RBFOX1: variants seen among roughly 807,000 people sequenced by gnomAD.
RBFOX1 encodes the protein RNA binding fox-1 homolog 1.
Under a neutral mutation model 57.7 loss-of-function variants are expected in RBFOX1, and 8 were observed. The observed-to-expected ratio is 0.14, with a 90% CI of 0.08 to 0.25. The LOEUF is 0.25. Ranked by LOEUF, RBFOX1 falls within the 10% of genes least tolerant of loss-of-function variation. The pLI, the probability that RBFOX1 is intolerant of heterozygous loss-of-function variation, is 1.00. For synonymous variants in RBFOX1, 326 were observed against 222.4 expected, an observed-to-expected ratio of 1.47 and a Z score of -4.15; for missense variants, 611 against 548.5, an observed-to-expected ratio of 1.11 and a Z score of -1.14.
chr16:7,096,476 A>G (rs1478702), intron 4 of RBFOX1, among the ~76,000 whole-genome samples: 98,235 of 151,976 alleles, frequency 0.65, 31,738 homozygotes, highest in East Asian at 0.69. Flanking sequence ...GGTGGACCAC[A>G]CTCATCCAAG....
chr16:5,468,907 C>A (rs893094844), intron 2 of RBFOX1, among the ~76,000 whole-genome samples: 3 of 152,230 alleles, frequency 2.0e-5, no homozygotes, highest in African/African-American at 7.2e-5. Context: ...GGCTTCCCGC[C>A]CCGTCCCTTA....
chr16:5,310,182 C>G (rs566035577), intron 1 of RBFOX1, among the ~76,000 whole-genome samples: 36 of 152,134 alleles, frequency 2.4e-4, no homozygotes, highest in African/African-American at 8.4e-4. Flanking sequence ...GCGGATCACT[C>G]GAGGGCAGGA....
intron 3 of RBFOX1, among the ~76,000 whole-genome samples, chr16:5,705,082 G>A (rs772927149): frequency 2.0e-5 from 3 of 152,102 alleles, no homozygotes; most frequent in Non-Finnish European, 2.9e-5. Context: ...CACATTGTAT[G>A]TCATTGAGGA....
intron 4 of RBFOX1, among the ~76,000 whole-genome samples, chr16:7,072,840 C>G (rs1199060160): frequency 6.6e-6 from 1 of 152,202 alleles, no homozygotes; most frequent in Non-Finnish European, 1.5e-5. Flanking sequence ...GGAGGAACGT[C>G]TTGAACATAA....
intron 7 of RBFOX1, among the ~76,000 whole-genome samples, chr16:7,590,557 A>G (rs546028447): frequency 6.6e-6 from 1 of 152,168 alleles, no homozygotes; most frequent in East Asian, 1.9e-4. Flanking sequence ...GCTACTCCCT[A>G]CGTATATACT....
intron 2 of RBFOX1, among the ~76,000 whole-genome samples, chr16:6,639,679 A>G (rs1458423894): frequency 6.6e-6 from 1 of 152,086 alleles, no homozygotes; most frequent in East Asian, 1.9e-4. Flanking sequence ...GATTGAGACC[A>G]TCCTGGCTAA....
Position 6,778,499 on chromosome 16 carries a change from A to G in RBFOX1, c.-16+123849A>G, listed in dbSNP as rs141400312. ...ATATAATTACACCCAATCCTTCAACATTAACATTGATTCCCTAAGATGATT... is the reference window on the plus strand; with the variant it reads ...ATATAATTACACCCAATCCTTCAACGTTAACATTGATTCCCTAAGATGATT... On this transcript the variant is annotated intron_variant, in intron 3 of 15. Coordinates refer to ENST00000550418, the MANE Select transcript of RBFOX1 (RefSeq NM_018723.4). Among the ~76,000 whole-genome samples the G allele has an allele frequency of 9.5e-3, 1,445 of 152,228 alleles. 28 individuals are homozygous for G. The highest frequency in any genetic ancestry group is 0.033 in the African/African-American group (1,368 of 41,542).
intron 4 of RBFOX1, among the ~76,000 whole-genome samples, chr16:7,467,285 C>A (rs1376898617): frequency 6.6e-6 from 1 of 152,168 alleles, no homozygotes; most frequent in Non-Finnish European, 1.5e-5. Flanking sequence ...TAAAGACAGA[C>A]AGCTGCTGGG....
intron 4 of RBFOX1, among the ~76,000 whole-genome samples, chr16:7,168,291 G>A (rs2079978286): frequency 6.6e-6 from 1 of 151,354 alleles, no homozygotes; most frequent in African/African-American, 2.4e-5. Context: ...TTCTCAGCAT[G>A]AAATGGACCA....
At chr16:6,046,475 A>T (rs1567326962) in intron 1 of RBFOX1, among the ~76,000 whole-genome samples, 1 of 152,210 alleles carries the variant, frequency 6.6e-6, no homozygotes, top group Admixed American at 6.5e-5. Context: ...TAAGAATACA[A>T]TGTATACTCG....
chr16:5,650,425 A>C (rs1349670020), intron 3 of RBFOX1, among the ~76,000 whole-genome samples: 1 of 152,194 alleles, frequency 6.6e-6, no homozygotes, highest in Non-Finnish European at 1.5e-5. Context: ...CGGGAGAGGC[A>C]ACCTGGATGC....
chr16:6,460,095 G>A (rs2094880691), intron 2 of RBFOX1, among the ~76,000 whole-genome samples: 1 of 147,772 alleles, frequency 6.8e-6, no homozygotes, highest in Admixed American at 6.8e-5. Flanking sequence ...ATTGCTTGGG[G>A]CTGCCATAAT....
In RBFOX1 at chr16:6,086,362, A is replaced by G. The variant is rs191943436; in HGVS notation, c.-127+66370A>G. ...TTCCATCTCTCACATTTTTCATGCG[A>G]GTGTTCTGCTGCCCAAAGTTACTCT... On this transcript the variant is annotated intron_variant, in intron 1 of 15. Coordinates refer to ENST00000550418, the MANE Select transcript of RBFOX1 (RefSeq NM_018723.4). Among the ~76,000 whole-genome samples the G allele has an allele frequency of 4.0e-3, 603 of 152,180 alleles. 2 individuals carry two copies. Among genetic ancestry groups the G allele is most frequent in the Non-Finnish European group, 6.9e-3 (468 of 68,008 alleles).
At chr16:6,345,968 G>C (rs1043865260) in intron 2 of RBFOX1, among the ~76,000 whole-genome samples, 1 of 152,160 alleles carries the variant, frequency 6.6e-6, no homozygotes, top group African/African-American at 2.4e-5. Context: ...AAGCGGGGAG[G>C]GGGATTCCAG....
At chr16:5,389,632 T>G (rs2151416035) in intron 1 of RBFOX1, among the ~76,000 whole-genome samples, 2 of 152,230 alleles carry the variant, frequency 1.3e-5, no homozygotes, top group South Asian at 4.1e-4. Context: ...CCTCCTTCCC[T>G]CTCTCTTTCC....
Position 7,519,606 on chromosome 16 carries a change from T to C in RBFOX1, c.270+1217T>C, listed in dbSNP as rs1311446491. ...ATTTGTGTGCCACCTAAAGTAATCA[T>C]GCATACCACAAAACCTGTATGGAAC... On this transcript the variant is annotated intron_variant, in intron 5 of 15. Coordinates refer to ENST00000550418, the MANE Select transcript of RBFOX1 (RefSeq NM_018723.4). 3 of 625,588 alleles carry C rather than the reference T, an allele frequency of 4.8e-6. No homozygotes were observed. The African/African-American group carries it at 6.0e-5, about 12-fold the overall frequency. The allele number at this position is 625,588 out of a possible 1,614,324, so 38.8% of individuals were successfully genotyped here.
chr16:6,502,869 G>C (rs1353133498), intron 2 of RBFOX1, among the ~76,000 whole-genome samples: 3 of 152,094 alleles, frequency 2.0e-5, no homozygotes, highest in African/African-American at 7.2e-5. Context: ...CTGGGGTTAT[G>C]TCCGTTTTAT....
intron 2 of RBFOX1, among the ~76,000 whole-genome samples, chr16:6,337,694 T>C (rs1340251494): frequency 6.6e-6 from 1 of 152,220 alleles, no homozygotes; most frequent in African/African-American, 2.4e-5. Context: ...AAAGCTTAGG[T>C]AATCACTTGG....
At chr16:5,837,807 A>G (rs1359970268) in intron 3 of RBFOX1, among the ~76,000 whole-genome samples, 1 of 152,094 alleles carries the variant, frequency 6.6e-6, no homozygotes, top group Non-Finnish European at 1.5e-5. Context: ...TGCTTATCTC[A>G]TTGATCACAC....
Sources: allele counts gnomAD v4.1 joint callset (sites outside exome capture counted in the v4.1 genomes callset), GRCh38; gene constraint gnomAD v4.1.1; transcripts MANE v1.5; gene names NCBI Gene and HGNC (gene_info 2026-07-23, HGNC 2026-07-21).